ACOXL: variants seen among roughly 807,000 people sequenced by gnomAD.
The protein encoded by ACOXL is acyl-coenzyme A oxidase-like protein.
Under a neutral mutation model 71.9 loss-of-function variants are expected in ACOXL, and 70 were observed. That is an observed-to-expected ratio of 0.97 (90% CI 0.80 to 1.19). The LOEUF (loss-of-function observed/expected upper bound fraction) is 1.19. Among genes scored for constraint, ACOXL ranks in the 50% most tolerant of loss-of-function variants. The pLI is 0.00. For missense variants in ACOXL, 703 were observed against 736.3 expected (o/e 0.95, Z 0.52); for synonymous variants, 253 against 281.6 (o/e 0.90, Z 1.02).
chr2:111,042,358 G>A (rs879835504), intron 15 of ACOXL, among the ~76,000 whole-genome samples: 2 of 152,208 alleles, frequency 1.3e-5, no homozygotes, highest in African/African-American at 2.4e-5. Flanking sequence ...TGAACACAGC[G>A]CCCACACACA....
At chr2:111,085,582 T>G (rs946586384) in intron 16 of ACOXL, among the ~76,000 whole-genome samples, 1 of 152,094 alleles carries the variant, frequency 6.6e-6, no homozygotes, top group Non-Finnish European at 1.5e-5. Flanking sequence ...TAAGGTAGTG[T>G]TAAGAGTGAA....
At chr2:110,839,178 A>G (rs1667719917) in intron 9 of ACOXL, among the ~76,000 whole-genome samples, 1 of 147,400 alleles carries the variant, frequency 6.8e-6, no homozygotes. Context: ...TCCTCTCCCT[A>G]CTCCAGCAAG....
At chr2:110,799,210 A>G in intron 7 of ACOXL, 110 bp downstream of exon 7, 1 of 1,059,802 alleles carries the variant, frequency 9.4e-7, no homozygotes, top group Non-Finnish European at 1.4e-6. Context: ...GGGTGGAGAA[A>G]ACTTCCCCAG....
intron 1 of ACOXL, among the ~76,000 whole-genome samples, chr2:110,747,720 G>A (rs1283194460): frequency 6.6e-6 from 1 of 152,158 alleles, no homozygotes; most frequent in African/African-American, 2.4e-5. Context: ...TGCCAAAACC[G>A]ACATACCTTT....
At chr2:111,018,408 G>C (rs2064568368) in intron 14 of ACOXL, among the ~76,000 whole-genome samples, 1 of 152,208 alleles carries the variant, frequency 6.6e-6, no homozygotes, top group South Asian at 2.1e-4. Context: ...GGATGTCAGT[G>C]AGTGACTGGC....
intron 2 of ACOXL, among the ~76,000 whole-genome samples, chr2:110,772,441 C>A (rs1682069248): frequency 6.6e-6 from 1 of 152,186 alleles, no homozygotes; most frequent in Non-Finnish European, 1.5e-5. Flanking sequence ...TCCCATTAAG[C>A]ATTTGGTCCC....
chr2:111,044,363 G>A (rs746854740), intron 15 of ACOXL, among the ~76,000 whole-genome samples: 2 of 152,248 alleles, frequency 1.3e-5, no homozygotes, highest in African/African-American at 2.4e-5. Context: ...TTTGGGTCAG[G>A]AAACAAGAGA....
intron 9 of ACOXL, among the ~76,000 whole-genome samples, chr2:110,828,103 T>G (rs1227135250): frequency 6.6e-6 from 1 of 152,138 alleles, no homozygotes; most frequent in Non-Finnish European, 1.5e-5. Context: ...CCCAAGTAGC[T>G]TGGACTACAG....
chr2:110,914,731 T>A (rs2059775041), intron 11 of ACOXL, among the ~76,000 whole-genome samples: 1 of 152,238 alleles, frequency 6.6e-6, no homozygotes, highest in Non-Finnish European at 1.5e-5. Context: ...AGTGGTGAGA[T>A]GGACATCCTA....
intron 12 of ACOXL, among the ~76,000 whole-genome samples, chr2:110,977,340 C>T (rs1041330465): frequency 4.0e-5 from 6 of 151,510 alleles, no homozygotes; most frequent in Admixed American, 1.3e-4. Context: ...GAGCCGAGAT[C>T]GCCACTGCAC....
chr2:110,740,313 C>T (rs1002657108), intron 1 of ACOXL, among the ~76,000 whole-genome samples: 2 of 152,164 alleles, frequency 1.3e-5, no homozygotes, highest in African/African-American at 4.8e-5. Context: ...TAATTGTGGG[C>T]GTGTAGAGCC....
chr2:111,101,444 T>A (rs1446474302), intron 17 of ACOXL, among the ~76,000 whole-genome samples: 1 of 152,200 alleles, frequency 6.6e-6, no homozygotes, highest in Non-Finnish European at 1.5e-5. Flanking sequence ...TTCTTTTTAA[T>A]GAACACTCAG....
chr2:111,039,726 G>C (rs2065684835), intron 15 of ACOXL, among the ~76,000 whole-genome samples: 1 of 152,180 alleles, frequency 6.6e-6, no homozygotes, highest in Non-Finnish European at 1.5e-5. Flanking sequence ...TGGAAAATAA[G>C]ATAATTCTCG....
intron 9 of ACOXL, among the ~76,000 whole-genome samples, chr2:110,810,039 G>C (rs978541789): frequency 3.3e-5 from 5 of 152,184 alleles, no homozygotes; most frequent in African/African-American, 1.2e-4. Context: ...AGCCTGTCTG[G>C]TTCAGCTACT....
intron 16 of ACOXL, among the ~76,000 whole-genome samples, chr2:111,074,143 C>G (rs1032580502): frequency 1.1e-4 from 16 of 149,600 alleles, no homozygotes; most frequent in Admixed American, 1.3e-4. Flanking sequence ...TAGGGCATGT[C>G]GGGGGACATT....
intron 10 of ACOXL, among the ~76,000 whole-genome samples, chr2:110,885,759 C>T (rs920073065): frequency 1.3e-5 from 2 of 152,090 alleles, no homozygotes; most frequent in African/African-American, 4.8e-5. Flanking sequence ...GGTTTTTGAT[C>T]AATCTCATCA....
chr2:111,078,784 T>G (rs2067740434), intron 16 of ACOXL, among the ~76,000 whole-genome samples: 1 of 152,262 alleles, frequency 6.6e-6, no homozygotes, highest in South Asian at 2.1e-4. Flanking sequence ...GATTATTTCC[T>G]AGACCTTTTG....
At chr2:110,993,599 A>G (rs901005086) in intron 13 of ACOXL, among the ~76,000 whole-genome samples, 40 of 152,352 alleles carry the variant, frequency 2.6e-4, no homozygotes, top group African/African-American at 9.1e-4. Flanking sequence ...GCATTCTTGT[A>G]TAACCTTTTT....
chr2:110,769,743 G>A (rs1329472807), intron 2 of ACOXL, among the ~76,000 whole-genome samples: 2 of 152,218 alleles, frequency 1.3e-5, no homozygotes, highest in East Asian at 3.8e-4. Context: ...GCTGAGGCAC[G>A]AGAATCCCTT....
Sources: allele counts gnomAD v4.1 joint callset (sites outside exome capture counted in the v4.1 genomes callset), GRCh38; gene constraint gnomAD v4.1.1; transcripts MANE v1.5; gene names NCBI Gene and HGNC (gene_info 2026-07-23, HGNC 2026-07-21).